CTNNA2: variants seen among roughly 807,000 people sequenced by gnomAD.
The protein encoded by CTNNA2 is catenin alpha-2.
In CTNNA2, 42 loss-of-function variants were observed where a neutral mutation model predicts 101.0. The observed-to-expected ratio is 0.42, with a 90% CI of 0.32 to 0.54. CTNNA2 has a LOEUF of 0.54. CTNNA2 is among the 20% of genes least tolerant of loss of function. CTNNA2 has a pLI of 0.14. For synonymous variants in CTNNA2, 450 were observed against 456.4 expected (o/e 0.99, Z 0.18); for missense variants, 871 against 1,223.1 (o/e 0.71, Z 4.29).
intron 7 of CTNNA2, among the ~76,000 whole-genome samples, chr2:79,986,242 T>G (rs1394159971): frequency 6.6e-6 from 1 of 152,184 alleles, no homozygotes; most frequent in Non-Finnish European, 1.5e-5. Context: ...AGTGGAATGA[T>G]TGCCTTTGCT....
chr2:80,582,600 C>T (rs138467175), intron 14 of CTNNA2, among the ~76,000 whole-genome samples: 8 of 152,020 alleles, frequency 5.3e-5, no homozygotes, highest in Admixed American at 6.6e-5. Flanking sequence ...TAATCAAGGC[C>T]GGTGGTAAGA....
chr2:80,379,786 C>T (rs891741989), intron 7 of CTNNA2, among the ~76,000 whole-genome samples: 24 of 152,076 alleles, frequency 1.6e-4, no homozygotes, highest in Non-Finnish European at 2.8e-4. Context: ...CCATGCCCTA[C>T]CCTAGAGATA....
chr2:80,239,920 AAAAC>A (rs1272106349), intron 7 of CTNNA2, among the ~76,000 whole-genome samples: 1 of 152,098 alleles, frequency 6.6e-6, no homozygotes, highest in Non-Finnish European at 1.5e-5. Context: ...CTCAAAAAAA[AAAAC>A]AAAAAACAAA....
chr2:79,272,210 A>G (rs1300248098), intron 2 of CTNNA2, among the ~76,000 whole-genome samples: 1 of 151,980 alleles, frequency 6.6e-6, no homozygotes, highest in African/African-American at 2.4e-5. Context: ...AATACAACAC[A>G]TTTGGCGGCC....
chr2:79,429,403 C>T (rs1020233616), intron 4 of CTNNA2, among the ~76,000 whole-genome samples: 2 of 152,014 alleles, frequency 1.3e-5, no homozygotes, highest in Admixed American at 6.6e-5. Context: ...AATGAGATAA[C>T]AGGAATAAAC....
chr2:79,828,692 A>G (rs1270888573), intron 3 of CTNNA2, among the ~76,000 whole-genome samples: 1 of 152,208 alleles, frequency 6.6e-6, no homozygotes, highest in Non-Finnish European at 1.5e-5. Context: ...TGAAACACTG[A>G]GAGAAGAATA....
intron 7 of CTNNA2, among the ~76,000 whole-genome samples, chr2:79,978,444 G>A (rs1691022378): frequency 6.6e-6 from 1 of 152,012 alleles, no homozygotes; most frequent in African/African-American, 2.4e-5. Flanking sequence ...TTGTTCTCTG[G>A]CCACGGGTAC....
At chr2:80,442,260 T>C (rs770756143) in intron 9 of CTNNA2, among the ~76,000 whole-genome samples, 6 of 152,176 alleles carry the variant, frequency 3.9e-5, no homozygotes, top group Non-Finnish European at 7.4e-5. Flanking sequence ...GAGTCTATTC[T>C]CAAAGCTCCC....
intron 3 of CTNNA2, among the ~76,000 whole-genome samples, chr2:79,770,216 T>C (rs1244889386): frequency 6.6e-6 from 1 of 152,168 alleles, no homozygotes; most frequent in Admixed American, 6.5e-5. Context: ...AAAAGGTCAA[T>C]AATGCTGAGG....
chr2:79,726,582 C>T (rs1686854620), intron 2 of CTNNA2, among the ~76,000 whole-genome samples: 1 of 152,158 alleles, frequency 6.6e-6, no homozygotes, highest in African/African-American at 2.4e-5. Flanking sequence ...AACCATCCCT[C>T]CTCCCTCCGA....
At chr2:79,570,151 G>T (rs1408347536) in intron 1 of CTNNA2, among the ~76,000 whole-genome samples, 1 of 152,080 alleles carries the variant, frequency 6.6e-6, no homozygotes, top group African/African-American at 2.4e-5. Context: ...CTAAAGAGAT[G>T]GATTTCTAAG....
At chr2:80,380,636 A>G (rs567237537) in intron 7 of CTNNA2, among the ~76,000 whole-genome samples, 2 of 152,118 alleles carry the variant, frequency 1.3e-5, no homozygotes, top group African/African-American at 2.4e-5. Context: ...TATTGTGTGT[A>G]TTTTTTGTTT....
chr2:79,356,079 T>C (rs1573114349), intron 3 of CTNNA2, among the ~76,000 whole-genome samples: 1 of 151,474 alleles, frequency 6.6e-6, no homozygotes, highest in South Asian at 2.1e-4. Context: ...TAAATATAAA[T>C]ATGGAAATAT....
rs550220843 is a variant in CTNNA2 at position 79,348,717 on chromosome 2, T to C, written c.-317-25114T>C. On this transcript the variant is annotated intron_variant, in intron 3 of 21. Coordinates refer to the CTNNA2 transcript ENST00000466387. Reference sequence around the variant, plus strand: ...TCTATTGAGGTAATCAAGGCAATAGTACTTCAGCATGAATACTATGAAAAT... The same window carrying C: ...TCTATTGAGGTAATCAAGGCAATAGCACTTCAGCATGAATACTATGAAAAT... Among the ~76,000 whole-genome samples, 15 of 152,336 alleles carry C rather than the reference T, an allele frequency of 9.8e-5. No individual in the cohort carries two copies. In the East Asian group the frequency reaches 2.5e-3, roughly 25 times the overall value.
intron 7 of CTNNA2, among the ~76,000 whole-genome samples, chr2:79,984,350 G>A (rs889549501): frequency 6.6e-6 from 1 of 152,120 alleles, no homozygotes; most frequent in Non-Finnish European, 1.5e-5. Flanking sequence ...GTTAGTTATT[G>A]ATGGGGGCAT....
chr2:79,838,948 T>G (rs1290530105), intron 3 of CTNNA2, among the ~76,000 whole-genome samples: 1 of 152,088 alleles, frequency 6.6e-6, no homozygotes, highest in Non-Finnish European at 1.5e-5. Context: ...GCCACCACCA[T>G]TAGTATTACT....
chr2:79,575,892 T>C (rs530236221), intron 1 of CTNNA2, among the ~76,000 whole-genome samples: 9 of 152,192 alleles, frequency 5.9e-5, no homozygotes, highest in Non-Finnish European at 1.3e-4. Context: ...TACTAAACCT[T>C]ATTGAACCTC....
chr2:80,059,935 A>G (rs1697463724), intron 7 of CTNNA2, among the ~76,000 whole-genome samples: 1 of 152,238 alleles, frequency 6.6e-6, no homozygotes, highest in Non-Finnish European at 1.5e-5. Flanking sequence ...GTATCAGCTC[A>G]GCCCTTCCCT....
intron 2 of CTNNA2, among the ~76,000 whole-genome samples, chr2:79,249,406 C>A (rs1266432156): frequency 6.6e-6 from 1 of 152,106 alleles, no homozygotes; most frequent in Non-Finnish European, 1.5e-5. Context: ...CAGGAGTGAC[C>A]TCAGAATGTA....
Sources: gnomAD v4.1 joint callset for allele counts (sites outside exome capture counted in the v4.1 genomes callset) on GRCh38, gnomAD v4.1.1 for gene constraint, MANE v1.5 for transcripts, NCBI Gene and HGNC (gene_info 2026-07-23, HGNC 2026-07-21) for gene names.